Variants in TMEM132D observed in about 807,000 individuals in gnomAD.
TMEM132D encodes the protein mature OL transmembrane protein.
TMEM132D carries 21 observed loss-of-function variants against 62.3 expected under a neutral mutation model. The observed-to-expected ratio is 0.34, with a 90% CI of 0.24 to 0.49. The LOEUF is 0.49. TMEM132D is among the 20% of genes least tolerant of loss of function. TMEM132D has a pLI of 0.99. For synonymous variants in TMEM132D, 621 were observed against 575.6 expected (o/e 1.08, Z -1.13); for missense variants, 1,346 against 1,402.8 (o/e 0.96, Z 0.65).
chr12:129,760,339 T>C (rs1272096815), intron 1 of TMEM132D, among the ~76,000 whole-genome samples: 1 of 74,824 alleles, frequency 1.3e-5, no homozygotes, highest in African/African-American at 4.0e-5. Context: ...TTTTTTTTTT[T>C]TTTTTTTTTT....
chr12:129,642,898 C>G (rs1230787042), intron 2 of TMEM132D, among the ~76,000 whole-genome samples: 1 of 149,802 alleles, frequency 6.7e-6, no homozygotes, highest in Admixed American at 6.7e-5. Flanking sequence ...TTCTCCAAGA[C>G]ACAACCAAAG....
At chr12:129,771,312 A>C (rs1302978304) in intron 1 of TMEM132D, among the ~76,000 whole-genome samples, 1 of 152,194 alleles carries the variant, frequency 6.6e-6, no homozygotes, top group Non-Finnish European at 1.5e-5. Context: ...TCTGTGCCTC[A>C]ATTTCCTCAT....
At position 129,589,952 on chromosome 12, in the gene TMEM132D, A is replaced by C. The variant is rs542259109; in HGVS notation, c.969-58747T>G. On this transcript the variant is annotated intron_variant, in intron 2 of 8. Coordinates refer to ENST00000422113, the MANE Select transcript of TMEM132D (RefSeq NM_133448.3). ...TTTTACTCACTCCCCTCTGAGACTA[A>C]ATTAAACCATCCCTTTTCATGTATC... Among the ~76,000 whole-genome samples, 103 of 152,234 alleles carry C rather than the reference A, an allele frequency of 6.8e-4. 1 individual carries two copies. The highest frequency in any genetic ancestry group is 2.4e-3 in the African/African-American group (101 of 41,530).
At chr12:129,640,648 C>T (rs906652026) in intron 2 of TMEM132D, among the ~76,000 whole-genome samples, 1 of 152,202 alleles carries the variant, frequency 6.6e-6, no homozygotes, top group Non-Finnish European at 1.5e-5. Context: ...GCTATATCCA[C>T]TTCCCCCACT....
intron 2 of TMEM132D, among the ~76,000 whole-genome samples, chr12:129,556,697 C>A (rs1287667524): frequency 9.2e-5 from 14 of 152,016 alleles, no homozygotes; most frequent in Non-Finnish European, 4.4e-5. Flanking sequence ...AAACGATAGC[C>A]CCTGATAATG....
At chr12:129,708,623 A>AC (rs1386738506) in intron 1 of TMEM132D, among the ~76,000 whole-genome samples, 5 of 90,126 alleles carry the variant, frequency 5.5e-5, no homozygotes, top group African/African-American at 1.3e-4. Flanking sequence ...AAAAAAAAAA[A>AC]AAAAAAAACA....
intron 2 of TMEM132D, among the ~76,000 whole-genome samples, chr12:129,685,984 C>T (rs143826602): frequency 5.3e-5 from 8 of 152,258 alleles, no homozygotes; most frequent in South Asian, 2.1e-4. Flanking sequence ...TATCCAATGC[C>T]GGTACCTCCA....
At chr12:129,552,443 C>T (rs1876925605) in intron 2 of TMEM132D, among the ~76,000 whole-genome samples, 1 of 151,888 alleles carries the variant, frequency 6.6e-6, no homozygotes, top group Admixed American at 6.6e-5. Flanking sequence ...ATCCATCTAC[C>T]TACCTACCTA....
intron 1 of TMEM132D, among the ~76,000 whole-genome samples, chr12:129,776,788 CAAAAAAAAAAA>C (rs148740560): frequency 1.5e-5 from 1 of 68,460 alleles, no homozygotes; most frequent in African/African-American, 4.3e-5. Context: ...TAATGGGCTT[CAAAAAAAAAAA>C]AAAAAAAAGA....
chr12:129,297,613 C>T (rs945922699), intron 4 of TMEM132D, among the ~76,000 whole-genome samples: 12 of 152,140 alleles, frequency 7.9e-5, no homozygotes, highest in Admixed American at 1.3e-4. Context: ...AGAATCTGAT[C>T]GGGTCAGCTG....
chr12:129,304,159 G>T (rs1193569931), intron 4 of TMEM132D, among the ~76,000 whole-genome samples: 1 of 152,172 alleles, frequency 6.6e-6, no homozygotes, highest in Admixed American at 6.5e-5. Context: ...TTCAACCATC[G>T]CAGTCTGTAA....
intron 2 of TMEM132D, among the ~76,000 whole-genome samples, chr12:129,690,599 A>G (rs578013169): frequency 1.3e-5 from 2 of 152,354 alleles, no homozygotes; most frequent in East Asian, 1.9e-4. Flanking sequence ...AGGGATAAAG[A>G]GGAAGCATTA....
intron 3 of TMEM132D, among the ~76,000 whole-genome samples, chr12:129,458,762 G>A (rs1308376417): frequency 1.3e-5 from 2 of 152,134 alleles, no homozygotes; most frequent in Admixed American, 6.6e-5. Flanking sequence ...CGGCCGATGC[G>A]CCGAAGACAG....
Position 129,304,662 on chromosome 12 carries a change from C to CTT in TMEM132D, c.1299+32970_1299+32971dup, listed in dbSNP as rs35812965. On this transcript the variant is annotated intron_variant, in intron 4 of 8. Transcript: ENST00000422113. ...CCCTAAATACCAAACATACTTGGAT[C>CTT]TTTTTTTTTTTTTTTTTTTTTTTTT... is the stretch of plus-strand genomic sequence containing the variant. Among the ~76,000 whole-genome samples the CTT allele has an allele frequency of 2.0e-3, 188 of 93,622 alleles. 1 individual carries two copies. The highest frequency in any genetic ancestry group is 2.5e-3 in the Non-Finnish European group (121 of 49,098). The allele number at this position is 93,622 out of a possible 152,430, so 61.4% of individuals were successfully genotyped here. A position where few individuals can be genotyped will look rare whatever the true frequency, so the allele number is the denominator to read the frequency against.
At chr12:129,366,894 T>G (rs1870431990) in intron 3 of TMEM132D, among the ~76,000 whole-genome samples, 1 of 151,844 alleles carries the variant, frequency 6.6e-6, no homozygotes, top group Non-Finnish European at 1.5e-5. Flanking sequence ...GATGCTGTGG[T>G]TTTGGGGATT....
chr12:129,679,811 T>C (rs1565946578), intron 2 of TMEM132D, among the ~76,000 whole-genome samples: 1 of 152,176 alleles, frequency 6.6e-6, no homozygotes, highest in African/African-American at 2.4e-5. Flanking sequence ...GAAGTTGCTT[T>C]TTTGTTTTTC....
chr12:129,592,586 C>T (rs1283850196), intron 2 of TMEM132D, among the ~76,000 whole-genome samples: 1 of 152,140 alleles, frequency 6.6e-6, no homozygotes, highest in African/African-American at 2.4e-5. Flanking sequence ...TAAGCATATC[C>T]TAGTAGGAGA....
At chr12:129,261,797 C>T (rs184717104) in intron 4 of TMEM132D, among the ~76,000 whole-genome samples, 5 of 152,184 alleles carry the variant, frequency 3.3e-5, no homozygotes, top group Admixed American at 6.5e-5. Flanking sequence ...TTAGGGCATG[C>T]CAGTATGACC....
Position 129,492,836 on chromosome 12 carries a change from T to G in TMEM132D, c.1115+38223A>C, listed in dbSNP as rs77768221. On this transcript the variant is annotated intron_variant, in intron 3 of 8. Coordinates refer to ENST00000422113, the MANE Select transcript of TMEM132D (RefSeq NM_133448.3). Reference sequence around the variant, plus strand: ...CACGGGCAATCGGGACTTCCTGTACTCTAAGGCTGGGGTTGGGGAGAGGCA... The same window carrying G: ...CACGGGCAATCGGGACTTCCTGTACGCTAAGGCTGGGGTTGGGGAGAGGCA... 5.0e-3 allele frequency among the ~76,000 whole-genome samples: 763 copies of G among 152,216 alleles called. 4 individuals are homozygous for G. The highest frequency in any genetic ancestry group is 0.016 in the African/African-American group (668 of 41,542).
Sources: allele counts gnomAD v4.1 joint callset (sites outside exome capture counted in the v4.1 genomes callset), GRCh38; gene constraint gnomAD v4.1.1; transcripts MANE v1.5; gene names NCBI Gene and HGNC (gene_info 2026-07-23, HGNC 2026-07-21).